PPP3CA: variants seen among roughly 807,000 people sequenced by gnomAD.
PPP3CA encodes CAM-PRP catalytic subunit.
A neutral mutation model predicts 66.5 loss-of-function variants in PPP3CA; 14 were observed. The observed-to-expected ratio is 0.21, with a 90% CI of 0.14 to 0.33. PPP3CA has a LOEUF of 0.33. PPP3CA is among the 10% of genes least tolerant of loss of function. PPP3CA has a pLI of 1.00. For missense variants in PPP3CA, 317 were observed against 639.5 expected (o/e 0.50, Z 5.44); for synonymous variants, 232 against 226.2 (o/e 1.03, Z -0.23).
chr4:101,181,969 A>C (rs1292204132), intron 2 of PPP3CA, among the ~76,000 whole-genome samples: 1 of 152,158 alleles, frequency 6.6e-6, no homozygotes, highest in Non-Finnish European at 1.5e-5. Flanking sequence ...GAACAATTTC[A>C]TATGTGATTA....
chr4:101,304,990 A>G (rs1728488536), intron 1 of PPP3CA, among the ~76,000 whole-genome samples: 1 of 152,234 alleles, frequency 6.6e-6, no homozygotes, highest in Non-Finnish European at 1.5e-5. Context: ...GCTATTAGTA[A>G]AACAAGGGTA....
intron 1 of PPP3CA, among the ~76,000 whole-genome samples, chr4:101,338,465 G>A (rs1377470818): frequency 6.6e-6 from 1 of 152,210 alleles, no homozygotes; most frequent in Non-Finnish European, 1.5e-5. Context: ...TTTCATTCCT[G>A]TAACAACTAT....
chr4:101,314,022 TGA>T (rs1264228931), intron 1 of PPP3CA, among the ~76,000 whole-genome samples: 1 of 152,176 alleles, frequency 6.6e-6, no homozygotes, highest in Non-Finnish European at 1.5e-5. Flanking sequence ...CAAACACTAA[TGA>T]GAGTCTGTCA....
intron 1 of PPP3CA, among the ~76,000 whole-genome samples, chr4:101,277,900 T>A (rs1489583798): frequency 6.6e-6 from 1 of 152,118 alleles, no homozygotes; most frequent in Non-Finnish European, 1.5e-5. Context: ...AAGCAGTAAG[T>A]CATAACACTG....
intron 1 of PPP3CA, among the ~76,000 whole-genome samples, chr4:101,296,812 T>C (rs1230934048): frequency 6.6e-6 from 1 of 152,182 alleles, no homozygotes; most frequent in Non-Finnish European, 1.5e-5. Context: ...ATCTAAAAGT[T>C]AGGAGACTCA....
intron 2 of PPP3CA, among the ~76,000 whole-genome samples, chr4:101,138,840 A>G (rs1722705519): frequency 6.6e-6 from 1 of 152,096 alleles, no homozygotes; most frequent in Non-Finnish European, 1.5e-5. Flanking sequence ...ATGATACTAC[A>G]TATGCATAAG....
rs1389971500 is a variant in PPP3CA at position 101,024,934 on chromosome 4, TG to T, written c.*930del. The T allele has an allele frequency of 6.6e-6, 1 of 150,580 alleles. No homozygotes were observed. Among genetic ancestry groups the T allele is most frequent in the African/African-American group, 2.5e-5 (1 of 39,778 alleles). 9.3% of individuals were successfully genotyped at this position (150,580 alleles called of 1,614,324 possible). A position where few individuals can be genotyped will look rare whatever the true frequency, so the allele number is the denominator to read the frequency against. On this transcript the variant is annotated 3_prime_UTR_variant, in exon 14 of 14. Coordinates refer to ENST00000394854, the MANE Select transcript of PPP3CA (RefSeq NM_000944.5). ...GCCATTTTTTTTTTCTTAAAAAACA[TG>T]CATAGGCAGATTTTTTTTTTTTTTA...
rs541458767 is a variant in PPP3CA, at chr4:101,143,009, T to C, written c.260-33931A>G. 1.4e-3 allele frequency among the ~76,000 whole-genome samples: 209 copies of C among 152,286 alleles called. 1 individual carries two copies. The highest frequency in any genetic ancestry group is 4.9e-3 in the African/African-American group (202 of 41,580). On this transcript the variant is annotated intron_variant, in intron 2 of 13. Transcript: ENST00000394854. ...TTGCCATGTCTCTGGTCAGTTCTCT[T>C]TCCCAGCCACCCTTTCAGGAGGTTT...
intron 1 of PPP3CA, among the ~76,000 whole-genome samples, chr4:101,221,931 A>G (rs1429733062): frequency 6.6e-6 from 1 of 151,598 alleles, no homozygotes; most frequent in Non-Finnish European, 1.5e-5. Flanking sequence ...TGCATTCTTA[A>G]TATTACCCAA....
At chr4:101,223,430 G>A (rs192222867) in intron 1 of PPP3CA, among the ~76,000 whole-genome samples, 138 of 151,858 alleles carry the variant, frequency 9.1e-4, no homozygotes, top group Non-Finnish European at 1.6e-3. Flanking sequence ...CACAGACAGG[G>A]TAAGTGATAT....
intron 1 of PPP3CA, among the ~76,000 whole-genome samples, chr4:101,339,550 G>A (rs1001138581): frequency 6.6e-6 from 1 of 152,130 alleles, no homozygotes; most frequent in Non-Finnish European, 1.5e-5. Context: ...TCCATGCCCT[G>A]ATTGGGCTGG....
intron 1 of PPP3CA, among the ~76,000 whole-genome samples, chr4:101,342,138 A>G (rs1578205693): frequency 6.6e-6 from 1 of 152,232 alleles, no homozygotes; most frequent in East Asian, 1.9e-4. Context: ...TTTAAAAGGC[A>G]TATTTTTAAA....
chr4:101,062,970 G>T (rs1048902667), intron 9 of PPP3CA, among the ~76,000 whole-genome samples: 1 of 151,114 alleles, frequency 6.6e-6, no homozygotes. Context: ...TTTTTAAAGC[G>T]TTATATTATT....
chr4:101,093,583 T>C (rs1289300761), intron 6 of PPP3CA, among the ~76,000 whole-genome samples, 193 bp downstream of exon 6: 1 of 152,212 alleles, frequency 6.6e-6, no homozygotes, highest in Non-Finnish European at 1.5e-5. Flanking sequence ...CACCTGTATA[T>C]GTATACATAT....
At chr4:101,167,097 T>C (rs1723717410) in intron 2 of PPP3CA, among the ~76,000 whole-genome samples, 1 of 152,180 alleles carries the variant, frequency 6.6e-6, no homozygotes. Context: ...CATGTTGGCA[T>C]CATTAATAGA....
At chr4:101,051,998 C>T (rs575582491) in intron 10 of PPP3CA, among the ~76,000 whole-genome samples, 1 of 152,042 alleles carries the variant, frequency 6.6e-6, no homozygotes, top group Non-Finnish European at 1.5e-5. Flanking sequence ...CATTATCCAG[C>T]CAATTAGCTG....
intron 1 of PPP3CA, among the ~76,000 whole-genome samples, chr4:101,242,512 C>A (rs1726343478): frequency 7.0e-6 from 1 of 143,100 alleles, no homozygotes; most frequent in South Asian, 2.3e-4. Flanking sequence ...TGAGATTGTT[C>A]AGTAAGGAAA....
intron 11 of PPP3CA, among the ~76,000 whole-genome samples, chr4:101,032,625 A>AGAT (rs1458621490): frequency 7.2e-5 from 11 of 152,222 alleles, no homozygotes; most frequent in African/African-American, 2.4e-4. Context: ...GAAGCTAGAT[A>AGAT]GATAAAGAAA....
At chr4:101,276,025 G>A (rs1053395981) in intron 1 of PPP3CA, among the ~76,000 whole-genome samples, 2 of 151,878 alleles carry the variant, frequency 1.3e-5, no homozygotes, top group Admixed American at 6.6e-5. Flanking sequence ...CTCCTGCGTA[G>A]CTGGGATTAA....
Sources: allele counts gnomAD v4.1 joint callset (sites outside exome capture counted in the v4.1 genomes callset), GRCh38; gene constraint gnomAD v4.1.1; transcripts MANE v1.5; gene names NCBI Gene and HGNC (gene_info 2026-07-23, HGNC 2026-07-21).